DDX25: variants seen among roughly 807,000 people sequenced by gnomAD.
The protein encoded by DDX25 is DEAD-box helicase 25.
DDX25 carries 70 observed loss-of-function variants against 64.6 expected under a neutral mutation model. That is an observed-to-expected ratio of 1.08 (90% CI 0.89 to 1.32). DDX25 has a LOEUF of 1.32. Ranked by LOEUF, DDX25 falls within the 40% of genes most tolerant of loss-of-function variation. The pLI, the probability that DDX25 is intolerant of heterozygous loss-of-function variation, is 0.00. For synonymous variants in DDX25, 211 were observed against 213.3 expected, an observed-to-expected ratio of 0.99 and a Z score of 0.09; for missense variants, 587 against 604.4, an observed-to-expected ratio of 0.97 and a Z score of 0.30.
At chr11:125,914,246 T>C (rs1489135688) in intron 8 of DDX25, among the ~76,000 whole-genome samples, 2 of 152,256 alleles carry the variant, frequency 1.3e-5, no homozygotes, top group Non-Finnish European at 1.5e-5. Context: ...CGGACAGCTC[T>C]GTGTGCATGG....
chr11:125,908,138 A>C, intron 4 of DDX25, 58 bp from the exon 5 acceptor site: 2 of 1,400,040 alleles, frequency 1.4e-6, no homozygotes, highest in Non-Finnish European at 2.0e-6. Context: ...TCAGGTATGT[A>C]TTTCTGATGC....
chr11:125,904,739 G>A (rs1354061702), intron 1 of DDX25, 159 bp downstream of exon 1: 17 of 894,230 alleles, frequency 1.9e-5, no homozygotes, highest in Non-Finnish European at 2.9e-5. Flanking sequence ...GGGCCACAGA[G>A]GGAGACCCCG....
In DDX25 at chr11:125,925,556, G is replaced by A. The variant is rs551167; in HGVS notation, c.*2675G>A. The A allele has an allele frequency of 0.11, 49,100 of 432,178 alleles. 3,652 individuals carry two copies. Among genetic ancestry groups the A allele is most frequent in the Admixed American group, 0.25 (10,153 of 41,290 alleles). The allele number at this position is 432,178 out of a possible 1,614,324, so 26.8% of individuals were successfully genotyped here. A position where few individuals can be genotyped will look rare whatever the true frequency, so the allele number is the denominator to read the frequency against. ...CCTGCCTGAGGACAGAGTAGATAGA[G>A]AGGCAAGGAAACACCAGGTGATTTC... On this transcript the variant is annotated 3_prime_UTR_variant, in exon 12 of 12. Coordinates refer to ENST00000263576, the MANE Select transcript of DDX25 (RefSeq NM_013264.5).
chr11:125,903,904 A>G (rs1591512420), upstream of DDX25, among the ~76,000 whole-genome samples: 1 of 152,248 alleles, frequency 6.6e-6, no homozygotes, highest in East Asian at 1.9e-4. Flanking sequence ...ACAAGAGACC[A>G]CATTTCAGAA....
Position 125,910,412 on chromosome 11 carries a change from G to A in DDX25, c.556G>A (p.Val186Met). The change falls in exon 7 of 12, where the codon GTG (valine) becomes ATG (methionine). Residue 186 changes from valine (V) to methionine (M), a missense_variant. Coordinates refer to ENST00000263576, the MANE Select transcript of DDX25 (RefSeq NM_013264.5). Reference sequence around the variant, plus strand: ...TGAATTGGCTCTGCAAACTGGCCGTGTGGTTGAGCAGATGGGAAAATTCTG... The same window carrying A: ...TGAATTGGCTCTGCAAACTGGCCGTATGGTTGAGCAGATGGGAAAATTCTG... Reference protein sequence around the residue: ...TYELALQTGRVVEQMGKFCVD... With the variant: ...TYELALQTGRMVEQMGKFCVD... The A allele has an allele frequency of 6.2e-7, 1 of 1,613,992 alleles. No homozygotes were observed. The highest frequency in any genetic ancestry group is 8.5e-7 in the Non-Finnish European group (1 of 1,179,880).
At chr11:125,914,239 A>G (rs1054245538) in intron 8 of DDX25, among the ~76,000 whole-genome samples, 5 of 152,174 alleles carry the variant, frequency 3.3e-5, no homozygotes, top group African/African-American at 1.2e-4. Context: ...ATTCCAACGG[A>G]CAGCTCTGTG....
At chr11:125,919,588 G>C (rs537724472) in intron 10 of DDX25, among the ~76,000 whole-genome samples, 1 of 140,410 alleles carries the variant, frequency 7.1e-6, no homozygotes, top group South Asian at 2.3e-4. Flanking sequence ...AGGGCCTTCC[G>C]GCTTTCTTCA....
At chr11:125,914,337 CTT>C (rs1945007968) in intron 8 of DDX25, among the ~76,000 whole-genome samples, 1 of 152,168 alleles carries the variant, frequency 6.6e-6, no homozygotes, top group Non-Finnish European at 1.5e-5. Context: ...TCTCTGTTCT[CTT>C]TTCTGGGGGA....
intron 8 of DDX25, among the ~76,000 whole-genome samples, chr11:125,916,107 CTA>C (rs771401565): frequency 6.6e-6 from 1 of 152,172 alleles, no homozygotes; most frequent in Non-Finnish European, 1.5e-5. Flanking sequence ...AATCACTGGA[CTA>C]TATGGTCTCT....
At chr11:125,912,773 G>A (rs1179245300) in intron 8 of DDX25, among the ~76,000 whole-genome samples, 6 of 151,142 alleles carry the variant, frequency 4.0e-5, no homozygotes, top group African/African-American at 1.5e-4. Flanking sequence ...TAGTATCACT[G>A]TGTAAGGATC....
At position 125,910,372 on chromosome 11, in the gene DDX25, C is replaced by T. The variant is rs752145482; in HGVS notation, c.516C>T (p.Cys172=). 2.5e-6 allele frequency: 4 copies of T among 1,613,910 alleles called. No individual in the cohort carries two copies. Among genetic ancestry groups the T allele is most frequent in the Non-Finnish European group, 3.4e-6 (4 of 1,179,828 alleles). The change falls in exon 7 of 12, where the codon TGC becomes TGT. Residue 172 remains cysteine (C), a synonymous_variant. Coordinates refer to ENST00000263576, the MANE Select transcript of DDX25 (RefSeq NM_013264.5). ...CTCTCTCTATCCCACAGTGCCTCTG[C>T]CTAGCTCCTACTTATGAATTGGCTC... The part of the protein sequence containing the change: ...NALELFPQCL[C]LAPTYELALQ...
chr11:125,903,726 T>C (rs1944832553), upstream of DDX25, among the ~76,000 whole-genome samples: 1 of 112,284 alleles, frequency 8.9e-6, no homozygotes, highest in Non-Finnish European at 1.7e-5. Context: ...CTGATCAAAA[T>C]CTCAAAATTA....
At chr11:125,906,245 C>A in intron 4 of DDX25, 36 bp downstream of exon 4, 1 of 1,513,342 alleles carries the variant, frequency 6.6e-7, no homozygotes, top group Non-Finnish European at 8.8e-7. Context: ...GGGAAAAATG[C>A]TGAAAACCAC....
At chr11:125,920,679 TGAGAG>T (rs548677507) in intron 10 of DDX25, among the ~76,000 whole-genome samples, 57 of 152,022 alleles carry the variant, frequency 3.7e-4, no homozygotes, top group African/African-American at 1.3e-3. Context: ...GTAGGAGAGA[TGAGAG>T]GAGTAGGGGA....
Position 125,927,743 on chromosome 11 carries a change from T to TGA in DDX25, c.*4864_*4865dup, listed in dbSNP as rs1945180635. On this transcript the variant is annotated 3_prime_UTR_variant, in exon 12 of 12. Transcript: ENST00000263576. ...CAGGCATGATTTAGAAGGCACAGAC[T>TGA]GAGCAGGCTGCTTTGTGAGGTGGTG... The TGA allele has an allele frequency of 6.6e-6, 1 of 152,210 alleles. No individual in the cohort carries two copies. The highest frequency in any genetic ancestry group is 2.4e-5 in the African/African-American group (1 of 41,458). The allele number at this position is 152,210 out of a possible 1,614,324, so 9.4% of individuals were successfully genotyped here. A position where few individuals can be genotyped will look rare whatever the true frequency, so the allele number is the denominator to read the frequency against.
At chr11:125,917,298 G>A in intron 9 of DDX25, 47 bp downstream of exon 9, 1 of 1,531,508 alleles carries the variant, frequency 6.5e-7, no homozygotes, top group Non-Finnish European at 8.8e-7. Flanking sequence ...ATGCCTACAG[G>A]CCGAGGTGGG....
rs978158341 is a variant in DDX25 at position 125,923,254 on chromosome 11, G to A, written c.*373G>A. On this transcript the variant is annotated 3_prime_UTR_variant, in exon 12 of 12. Transcript: ENST00000263576. The stretch of plus-strand genomic sequence containing the variant: ...GCTTCGCTGATTTTGGAAGCGGAGC[G>A]AGTAGGAAAAAGCCCATGTCTTCAG... 6 of 175,626 alleles carry A rather than the reference G, an allele frequency of 3.4e-5. No individual in the cohort carries two copies. The highest frequency in any genetic ancestry group is 6.1e-5 in the Admixed American group (1 of 16,518). The allele number at this position is 175,626 out of a possible 1,614,324, so 10.9% of individuals were successfully genotyped here.
chr11:125,922,599 C>T, intron 11 of DDX25: 1 of 437,356 alleles, frequency 2.3e-6, no homozygotes, highest in East Asian at 3.5e-5. Flanking sequence ...TCCACTCTGG[C>T]CTTCTCTGCC....
At chr11:125,914,626 C>G (rs1268227197) in intron 8 of DDX25, among the ~76,000 whole-genome samples, 1 of 152,180 alleles carries the variant, frequency 6.6e-6, no homozygotes, top group African/African-American at 2.4e-5. Context: ...TAATTTTCAG[C>G]AGAGATCAAA....
Sources: allele counts gnomAD v4.1 joint callset (sites outside exome capture counted in the v4.1 genomes callset), GRCh38; gene constraint gnomAD v4.1.1; transcripts MANE v1.5; gene names NCBI Gene and HGNC (gene_info 2026-07-23, HGNC 2026-07-21).